Variants in CCDC18 observed in about 807,000 individuals in gnomAD.
CCDC18 encodes the protein coiled-coil domain-containing protein 18.
In CCDC18, 157 loss-of-function variants were observed where a neutral mutation model predicts 196.0. The ratio of observed to expected loss-of-function variants is 0.80; its 90% confidence interval spans 0.70 to 0.91. The LOEUF (loss-of-function observed/expected upper bound fraction) is 0.91, where lower values mean the gene tolerates loss of function less well. Ranked by LOEUF, CCDC18 falls within the 40% of genes least tolerant of loss-of-function variation. The pLI, the probability that CCDC18 is intolerant of heterozygous loss-of-function variation, is 0.00. For synonymous variants in CCDC18, 482 were observed against 529.2 expected (o/e 0.91, Z 1.22); for missense variants, 1,465 against 1,611.6 (o/e 0.91, Z 1.56).
intron 4 of CCDC18, chr1:93,191,169 A>C: frequency 2.2e-6 from 1 of 452,720 alleles, no homozygotes; most frequent in Non-Finnish European, 4.1e-6. Flanking sequence ...ACCCAAAATG[A>C]AATTGAGTAG....
At chr1:93,197,634 A>G (rs1050209078) in intron 6 of CCDC18, among the ~76,000 whole-genome samples, 2 of 152,032 alleles carry the variant, frequency 1.3e-5, no homozygotes, top group Admixed American at 6.6e-5. Flanking sequence ...GACAAAAGGA[A>G]AGGAAACATC....
At chr1:93,239,250 AG>A in intron 19 of CCDC18, 59 bp from the exon 20 acceptor site, 1 of 1,280,350 alleles carries the variant, frequency 7.8e-7, no homozygotes, top group South Asian at 1.9e-5. Flanking sequence ...TTTTTTAGTC[AG>A]AGACAAGTTA....
At chr1:93,272,372 G>C (rs1331226066) in intron 28 of CCDC18, among the ~76,000 whole-genome samples, 1 of 152,162 alleles carries the variant, frequency 6.6e-6, no homozygotes, top group Non-Finnish European at 1.5e-5. Flanking sequence ...CACAACTGTA[G>C]TTTTAAATGC....
At chr1:93,247,507 C>T (rs1661640782) in intron 23 of CCDC18, among the ~76,000 whole-genome samples, 1 of 152,070 alleles carries the variant, frequency 6.6e-6, no homozygotes, top group Non-Finnish European at 1.5e-5. Flanking sequence ...CTCAACATCC[C>T]AAGCTCAGGT....
In CCDC18 at chr1:93,212,140, T is replaced by C; in HGVS notation, c.1374T>C (p.Leu458=). 1 of 1,606,166 alleles carries C rather than the reference T, an allele frequency of 6.2e-7. No individual in the cohort carries two copies. Among genetic ancestry groups the C allele is most frequent in the South Asian group, 1.1e-5 (1 of 88,492 alleles). The stretch of plus-strand genomic sequence containing the variant: ...TAAAAGAGGCAGAAATTCAAAAGCT[T>C]CATGCAAACCTGACTGCAAATCAGT... ...LAIKEAEIQK[L]HANLTANQLS... is the part of the protein sequence containing the mutation. The change falls in exon 11 of 29, where the codon CTT becomes CTC. Residue 458 remains leucine, a synonymous_variant. Transcript: ENST00000690025.
At chr1:93,190,012 T>C (rs996799716) in intron 4 of CCDC18, among the ~76,000 whole-genome samples, 1 of 152,232 alleles carries the variant, frequency 6.6e-6, no homozygotes, top group Non-Finnish European at 1.5e-5. Flanking sequence ...GCACTTCTAT[T>C]AAATCTTTTA....
chr1:93,213,887 A>G (rs1455688558), intron 11 of CCDC18, among the ~76,000 whole-genome samples: 2 of 152,218 alleles, frequency 1.3e-5, no homozygotes, highest in Non-Finnish European at 2.9e-5. Context: ...AGAAAGTGAA[A>G]TATTATAGAT....
chr1:93,190,193 T>C (rs944786038), intron 4 of CCDC18, among the ~76,000 whole-genome samples: 9 of 152,182 alleles, frequency 5.9e-5, no homozygotes, highest in African/African-American at 1.9e-4. Context: ...CTGACTTTTA[T>C]GTTAGAAGCT....
intron 6 of CCDC18, among the ~76,000 whole-genome samples, chr1:93,194,059 C>A (rs1652301343): frequency 6.6e-6 from 1 of 151,848 alleles, no homozygotes; most frequent in Admixed American, 6.6e-5. Flanking sequence ...AAAATACTAA[C>A]AGGGAAAAAG....
intron 17 of CCDC18, among the ~76,000 whole-genome samples, chr1:93,228,508 A>T (rs67773338): frequency 0.14 from 12,465 of 87,134 alleles, 566 homozygotes; most frequent in African/African-American, 0.35. Context: ...TTAGAAGTTT[A>T]AAAAAAAAAA....
At chr1:93,189,833 T>A (rs546324244) in intron 4 of CCDC18, among the ~76,000 whole-genome samples, 19 of 152,100 alleles carry the variant, frequency 1.2e-4, no homozygotes, top group African/African-American at 4.3e-4. Context: ...TGGCTAGTTT[T>A]TGTATTGTCT....
intron 17 of CCDC18, among the ~76,000 whole-genome samples, chr1:93,229,295 G>A (rs1658881667): frequency 6.6e-6 from 1 of 152,196 alleles, no homozygotes; most frequent in African/African-American, 2.4e-5. Flanking sequence ...ATGTTCATGT[G>A]TATTGATAAA....
intron 7 of CCDC18, among the ~76,000 whole-genome samples, chr1:93,205,124 C>A (rs1654520473): frequency 6.6e-6 from 1 of 152,032 alleles, no homozygotes; most frequent in East Asian, 1.9e-4. Context: ...ATCTTGGGTG[C>A]TTTTTTCTGT....
intron 9 of CCDC18, among the ~76,000 whole-genome samples, chr1:93,210,417 C>T (rs1224537123): frequency 6.6e-6 from 1 of 152,132 alleles, no homozygotes; most frequent in Non-Finnish European, 1.5e-5. Flanking sequence ...CTTCCTCTCT[C>T]CTCAGAAATG....
intron 7 of CCDC18, among the ~76,000 whole-genome samples, chr1:93,203,323 G>C (rs1320625768): frequency 2.6e-5 from 4 of 152,132 alleles, no homozygotes; most frequent in Non-Finnish European, 5.9e-5. Context: ...AAGTTAATGA[G>C]TTCTATTTTG....
chr1:93,265,946 A>G (rs539940930), intron 27 of CCDC18, among the ~76,000 whole-genome samples: 2 of 152,376 alleles, frequency 1.3e-5, no homozygotes, highest in African/African-American at 4.8e-5. Flanking sequence ...AAGCAGACCT[A>G]ATAGACATCG....
intron 26 of CCDC18, among the ~76,000 whole-genome samples, chr1:93,263,262 G>A (rs1026435926): frequency 1.3e-5 from 2 of 152,132 alleles, no homozygotes; most frequent in African/African-American, 4.8e-5. Context: ...TTTCTGCAGC[G>A]AGCTTGAATT....
At chr1:93,249,012 T>C (rs77068700) in intron 23 of CCDC18, among the ~76,000 whole-genome samples, 3 of 151,924 alleles carry the variant, frequency 2.0e-5, no homozygotes, top group Non-Finnish European at 4.4e-5. Flanking sequence ...TCCTCTTCAA[T>C]TTTTTGAAAT....
chr1:93,258,961 G>A (rs765902645), intron 26 of CCDC18, 76 bp downstream of exon 26: 13 of 1,197,022 alleles, frequency 1.1e-5, no homozygotes, highest in Non-Finnish European at 1.5e-5. Flanking sequence ...TATGAGTCCA[G>A]CTCTTAAGTG....
Sources: allele counts gnomAD v4.1 joint callset (sites outside exome capture counted in the v4.1 genomes callset), GRCh38; gene constraint gnomAD v4.1.1; transcripts MANE v1.5; gene names NCBI Gene and HGNC (gene_info 2026-07-23, HGNC 2026-07-21).